MAPK4: variants seen among roughly 807,000 people sequenced by gnomAD.
MAPK4 encodes the protein Erk3-related.
Under a neutral mutation model 47.7 loss-of-function variants are expected in MAPK4, and 22 were observed. The ratio of observed to expected loss-of-function variants is 0.46; its 90% CI spans 0.33 to 0.66. The LOEUF (loss-of-function observed/expected upper bound fraction) is 0.66, where lower values mean the gene tolerates loss of function less well. Ranked by LOEUF, MAPK4 falls within the 30% of genes least tolerant of loss-of-function variation. The pLI, the probability that MAPK4 is intolerant of heterozygous loss-of-function variation, is 0.02. For missense variants in MAPK4, 736 were observed against 831.7 expected (o/e 0.88, Z 1.42); for synonymous variants, 390 against 365.7 (o/e 1.07, Z -0.76).
chr18:50,693,191 G>C (rs1452846622), intron 2 of MAPK4, among the ~76,000 whole-genome samples: 2 of 152,174 alleles, frequency 1.3e-5, no homozygotes, highest in African/African-American at 4.8e-5. Flanking sequence ...CCTGGGAGGT[G>C]GAGGTTGCAG....
chr18:50,729,922 G>T lies in MAPK4; in HGVS notation c.*68G>T. 2 of 1,441,854 alleles carry T rather than the reference G, an allele frequency of 1.4e-6. No homozygotes were observed. The highest frequency in any genetic ancestry group is 1.8e-6 in the Non-Finnish European group (2 of 1,084,224). The allele number at this position is 1,441,854 out of a possible 1,614,324, so 89.3% of individuals were successfully genotyped here. The stretch of plus-strand genomic sequence containing the variant: ...CAGAGAAAGCCGGGGCTGGCAGGAG[G>T]CGGCCGCCCTTCCCGCCCCTCTCTG... On this transcript the variant is annotated 3_prime_UTR_variant, in exon 6 of 6. Transcript: ENST00000400384.
At chr18:50,660,812 ATTT>A (rs1568067690) in intron 1 of MAPK4, among the ~76,000 whole-genome samples, 1 of 152,148 alleles carries the variant, frequency 6.6e-6, no homozygotes, top group East Asian at 1.9e-4. Flanking sequence ...CAAAGAGTCT[ATTT>A]AGCAGCCCAC....
rs1200053802 is a variant in MAPK4 at position 50,726,110 on chromosome 18, C to T, written c.1002C>T (p.Ile334=). 13 of 1,614,126 alleles carry T rather than the reference C, an allele frequency of 8.1e-6. No individual in the cohort carries two copies. Among genetic ancestry groups the T allele is most frequent in the South Asian group, 3.3e-5 (3 of 91,078 alleles). The part of the protein sequence containing the change: ...SQHPFRIEDE[I]DDIVLMAANQ... ...ACCCCTTCCGCATTGAGGATGAGATCGACGACATCGTGCTGATGGCCGCTA... is the reference window on the plus strand; with the variant it reads ...ACCCCTTCCGCATTGAGGATGAGATTGACGACATCGTGCTGATGGCCGCTA... Residue 334 remains isoleucine, a synonymous_variant, in exon 5 of 6, where the codon ATC becomes ATT. Coordinates refer to ENST00000400384, the MANE Select transcript of MAPK4 (RefSeq NM_002747.4).
intron 2 of MAPK4, among the ~76,000 whole-genome samples, chr18:50,701,478 T>G (rs1421007502): frequency 6.6e-6 from 1 of 151,838 alleles, no homozygotes; most frequent in Admixed American, 6.6e-5. Flanking sequence ...TTAGGGGAGG[T>G]TGCAGTGGAG....
chr18:50,562,067 A>G (rs977283514), intron 1 of MAPK4, among the ~76,000 whole-genome samples: 1 of 152,240 alleles, frequency 6.6e-6, no homozygotes, highest in South Asian at 2.1e-4. Context: ...CATCTGATCC[A>G]GAAGTTCTAG....
At chr18:50,577,297 A>G (rs755332343) in intron 1 of MAPK4, among the ~76,000 whole-genome samples, 18 of 152,284 alleles carry the variant, frequency 1.2e-4, no homozygotes, top group Admixed American at 6.5e-4. Flanking sequence ...TGTGTGTATG[A>G]GGGCATGTGT....
chr18:50,648,282 G>A (rs898729476), intron 1 of MAPK4, among the ~76,000 whole-genome samples: 14 of 152,054 alleles, frequency 9.2e-5, no homozygotes, highest in African/African-American at 2.9e-4. Flanking sequence ...GTGGACCTGC[G>A]TGTGTGGAGA....
intron 2 of MAPK4, among the ~76,000 whole-genome samples, chr18:50,696,459 G>A (rs760275198): frequency 2.9e-4 from 44 of 151,886 alleles, no homozygotes; most frequent in Admixed American, 6.5e-4. Context: ...TTTTGAGGTG[G>A]GCGGCATCTC....
chr18:50,727,219 G>A (rs1043549050), intron 5 of MAPK4, among the ~76,000 whole-genome samples: 3 of 152,208 alleles, frequency 2.0e-5, no homozygotes, highest in African/African-American at 7.2e-5. Flanking sequence ...GCTAATTCTG[G>A]GAGGGAGTGC....
intron 1 of MAPK4, among the ~76,000 whole-genome samples, chr18:50,647,383 G>A (rs988979291): frequency 3.3e-5 from 5 of 152,134 alleles, no homozygotes; most frequent in Admixed American, 2.6e-4. Context: ...GATATAACTT[G>A]TACTCAGTTT....
chr18:50,628,513 T>C (rs1205896321), intron 1 of MAPK4, among the ~76,000 whole-genome samples: 1 of 151,996 alleles, frequency 6.6e-6, no homozygotes, highest in Non-Finnish European at 1.5e-5. Context: ...TGTAATATTT[T>C]AGAATAATGC....
chr18:50,721,301 G>A (rs1910923168), intron 3 of MAPK4, among the ~76,000 whole-genome samples: 1 of 152,162 alleles, frequency 6.6e-6, no homozygotes, highest in Non-Finnish European at 1.5e-5. Flanking sequence ...TGGAGAAGGT[G>A]CTCGATAAAT....
At chr18:50,619,958 A>T (rs1272413865) in intron 1 of MAPK4, among the ~76,000 whole-genome samples, 2 of 152,250 alleles carry the variant, frequency 1.3e-5, no homozygotes, top group Non-Finnish European at 2.9e-5. Flanking sequence ...GCTGCCAGCC[A>T]TGAAACAGAA....
chr18:50,618,137 C>A (rs566390188), intron 1 of MAPK4, among the ~76,000 whole-genome samples: 37 of 152,200 alleles, frequency 2.4e-4, no homozygotes, highest in African/African-American at 8.4e-4. Flanking sequence ...GCCCCCTTCC[C>A]CAGGCTGCCT....
chr18:50,716,974 T>C (rs1319833488), intron 3 of MAPK4, among the ~76,000 whole-genome samples: 2 of 152,148 alleles, frequency 1.3e-5, no homozygotes, highest in East Asian at 1.9e-4. Context: ...TTCTTCTCTA[T>C]CTTGTCCTCC....
At chr18:50,593,673 G>A (rs554840101) in intron 1 of MAPK4, among the ~76,000 whole-genome samples, 1 of 152,172 alleles carries the variant, frequency 6.6e-6, no homozygotes, top group Non-Finnish European at 1.5e-5. Flanking sequence ...ATAGATTGAT[G>A]CAGTCCCAGT....
intron 2 of MAPK4, among the ~76,000 whole-genome samples, chr18:50,691,818 G>A (rs980168778): frequency 2.6e-5 from 4 of 152,180 alleles, no homozygotes; most frequent in Admixed American, 2.0e-4. Flanking sequence ...TAAAAGTATC[G>A]GCAGCCAGGA....
chr18:50,648,325 G>A (rs2043010780), intron 1 of MAPK4, among the ~76,000 whole-genome samples: 1 of 152,178 alleles, frequency 6.6e-6, no homozygotes, highest in South Asian at 2.1e-4. Context: ...ACCCCATTCT[G>A]TGTGGCTGTG....
At chr18:50,665,664 AG>A (rs936645973) in intron 2 of MAPK4, among the ~76,000 whole-genome samples, 1 of 152,206 alleles carries the variant, frequency 6.6e-6, no homozygotes, top group Admixed American at 6.5e-5. Flanking sequence ...GGCAGGGAGC[AG>A]GGCTCCCTGT....
Sources: allele counts gnomAD v4.1 joint callset (sites outside exome capture counted in the v4.1 genomes callset), GRCh38; gene constraint gnomAD v4.1.1; transcripts MANE v1.5; gene names NCBI Gene and HGNC (gene_info 2026-07-23, HGNC 2026-07-21).